The following TRERF1 variants were observed in gnomAD, a reference collection of about 807,000 sequenced individuals.
TRERF1 encodes the protein transcriptional regulating factor 1.
Under a neutral mutation model 122.9 loss-of-function variants are expected in TRERF1, and 27 were observed. That is an observed-to-expected ratio of 0.22 (90% CI 0.16 to 0.30). The LOEUF (loss-of-function observed/expected upper bound fraction) is 0.30. TRERF1 is among the 10% of genes least tolerant of loss of function. TRERF1 has a pLI of 1.00. For missense variants in TRERF1, 1,248 were observed against 1,560.3 expected (o/e 0.80, Z 3.37); for synonymous variants, 636 against 641.7 (o/e 0.99, Z 0.13).
chr6:42,350,273 A>G (rs1254937928), intron 3 of TRERF1, among the ~76,000 whole-genome samples: 1 of 152,222 alleles, frequency 6.6e-6, no homozygotes, highest in Admixed American at 6.5e-5. Flanking sequence ...TGAGGCCCAG[A>G]GTGAACATGT....
chr6:42,344,681 A>G (rs891531788), intron 3 of TRERF1, among the ~76,000 whole-genome samples: 1 of 152,094 alleles, frequency 6.6e-6, no homozygotes, highest in Non-Finnish European at 1.5e-5. Context: ...AGATCAACCC[A>G]AGCAGTCACC....
Position 42,351,997 on chromosome 6 carries a change from G to C in TRERF1, c.-371+11000C>G, listed in dbSNP as rs139462533. On this transcript the variant is annotated intron_variant, in intron 3 of 17. Coordinates refer to ENST00000372922, the Ensembl canonical transcript of TRERF1. Reference sequence around the variant, plus strand: ...ATTGTGTTAAGCCATAATTTGGTGCGGGTGTTGTTGTTGTTGTTGTTTTTG... The same window carrying C: ...ATTGTGTTAAGCCATAATTTGGTGCCGGTGTTGTTGTTGTTGTTGTTTTTG... Among the ~76,000 whole-genome samples the C allele has an allele frequency of 6.2e-3, 935 of 151,560 alleles. 6 individuals carry two copies. Among genetic ancestry groups the C allele is most frequent in the Admixed American group, 0.01 (156 of 15,272 alleles).
intron 2 of TRERF1, among the ~76,000 whole-genome samples, chr6:42,423,219 G>A (rs1262858186): frequency 6.6e-6 from 1 of 152,142 alleles, no homozygotes; most frequent in Admixed American, 6.5e-5. Flanking sequence ...CAGCCCATCC[G>A]TAACTCTACT....
chr6:42,285,293 T>C (rs1232022251), intron 4 of TRERF1, among the ~76,000 whole-genome samples: 4 of 152,174 alleles, frequency 2.6e-5, no homozygotes, highest in Admixed American at 2.6e-4. Context: ...TGTCTGTTGT[T>C]GGTGTATAAG....
chr6:42,436,027 C>A (rs1229151631), intron 2 of TRERF1, among the ~76,000 whole-genome samples: 1 of 151,876 alleles, frequency 6.6e-6, no homozygotes, highest in East Asian at 1.9e-4. Flanking sequence ...GTGCCCCGTA[C>A]ACAGTAGGCA....
chr6:42,254,165 T>C (rs1393382640), intron 13 of TRERF1, among the ~76,000 whole-genome samples: 1 of 152,208 alleles, frequency 6.6e-6, no homozygotes, highest in African/African-American at 2.4e-5. Flanking sequence ...TTAATTCACA[T>C]ACAAAACCCT....
chr6:42,397,926 G>A (rs532874793), intron 2 of TRERF1, among the ~76,000 whole-genome samples: 1 of 152,302 alleles, frequency 6.6e-6, no homozygotes, highest in African/African-American at 2.4e-5. Flanking sequence ...TCCACTCATC[G>A]CAGAAAGTCT....
At chr6:42,299,182 C>T (rs538474627) in intron 4 of TRERF1, among the ~76,000 whole-genome samples, 1 of 148,168 alleles carries the variant, frequency 6.7e-6, no homozygotes, top group Non-Finnish European at 1.5e-5. Flanking sequence ...TGAAAAAACA[C>T]ACATAGAGTC....
At chr6:42,306,961 C>T (rs1233535548) in intron 3 of TRERF1, among the ~76,000 whole-genome samples, 1 of 152,128 alleles carries the variant, frequency 6.6e-6, no homozygotes, top group African/African-American at 2.4e-5. Context: ...GCTTTAGAAA[C>T]CAGGGATGCC....
At chr6:42,301,419 G>A (rs189379378) in intron 3 of TRERF1, among the ~76,000 whole-genome samples, 165 of 152,116 alleles carry the variant, frequency 1.1e-3, no homozygotes, top group African/African-American at 3.4e-3. Context: ...TAGTAGAGAC[G>A]GGGTTTCACC....
At chr6:42,250,997 T>C (rs1337406963) in intron 13 of TRERF1, among the ~76,000 whole-genome samples, 24 of 140,898 alleles carry the variant, frequency 1.7e-4, no homozygotes, top group African/African-American at 5.8e-4. Flanking sequence ...TGCTTCTTTT[T>C]TTTTTTTTTT....
intron 2 of TRERF1, among the ~76,000 whole-genome samples, chr6:42,370,819 C>G (rs1773624125): frequency 6.6e-6 from 1 of 152,212 alleles, no homozygotes; most frequent in Non-Finnish European, 1.5e-5. Flanking sequence ...CAGAGCCTCT[C>G]TGGCCTTCTG....
chr6:42,374,374 GGTT>G (rs1218273681), intron 2 of TRERF1, among the ~76,000 whole-genome samples: 1 of 152,122 alleles, frequency 6.6e-6, no homozygotes, highest in Non-Finnish European at 1.5e-5. Flanking sequence ...GTTTGACAGT[GGTT>G]GTGTCTCGTC....
chr6:42,334,166 CAA>C lies in TRERF1; in HGVS notation c.-371+28829_-371+28830del, dbSNP rs1480958351. Among the ~76,000 whole-genome samples the C allele has an allele frequency of 6.4e-5, 9 of 140,566 alleles. No individual in the cohort carries two copies. In the East Asian group the frequency reaches 2.8e-3, roughly 44 times the overall value. 92.2% of individuals were successfully genotyped at this position (140,566 alleles called of 152,430 possible). A position where few individuals can be genotyped will look rare whatever the true frequency, so the allele number is the denominator to read the frequency against. On this transcript the variant is annotated intron_variant, in intron 3 of 17. Transcript: ENST00000372922. ...CAAATATAGAAATCTAAAAATAAAA[CAA>C]AGAAAACTTTGGGAAGGCAAGTGGG...
At chr6:42,439,743 T>C (rs1786145712) in intron 2 of TRERF1, among the ~76,000 whole-genome samples, 1 of 152,218 alleles carries the variant, frequency 6.6e-6, no homozygotes, top group Admixed American at 6.5e-5. Flanking sequence ...CCGCCTGGCC[T>C]TCTGAACTGT....
chr6:42,410,923 T>A (rs1781015871), intron 2 of TRERF1, among the ~76,000 whole-genome samples: 1 of 152,208 alleles, frequency 6.6e-6, no homozygotes, highest in Non-Finnish European at 1.5e-5. Flanking sequence ...GCCCACTCAG[T>A]TCCAAGCACA....
At chr6:42,288,817 A>C (rs1157126466) in intron 4 of TRERF1, among the ~76,000 whole-genome samples, 1 of 152,160 alleles carries the variant, frequency 6.6e-6, no homozygotes, top group East Asian at 1.9e-4. Flanking sequence ...GTGTGGCTGA[A>C]ATGGAGGAAA....
At chr6:42,241,076 G>T (rs1361359439) in intron 15 of TRERF1, among the ~76,000 whole-genome samples, 1 of 152,064 alleles carries the variant, frequency 6.6e-6, no homozygotes, top group Non-Finnish European at 1.5e-5. Flanking sequence ...AGTAGAGATG[G>T]GGTTTCACCA....
chr6:42,442,043 T>G (rs1015689683), intron 2 of TRERF1, among the ~76,000 whole-genome samples: 7 of 152,146 alleles, frequency 4.6e-5, no homozygotes, highest in African/African-American at 1.4e-4. Flanking sequence ...TGTCCTTACT[T>G]ACTGTGGCTC....
Sources: gnomAD v4.1 joint callset for allele counts (sites outside exome capture counted in the v4.1 genomes callset) on GRCh38, gnomAD v4.1.1 for gene constraint, MANE v1.5 for transcripts, NCBI Gene and HGNC (gene_info 2026-07-23, HGNC 2026-07-21) for gene names.